The following MS4A18 variants were observed in gnomAD, a reference collection of about 807,000 sequenced individuals.
MS4A18 encodes the protein membrane spanning 4-domains A18, also known as membrane-spanning 4-domains subfamily A member 18.
MS4A18 carries 27 observed loss-of-function variants against 13.1 expected under a neutral mutation model. The ratio of observed to expected loss-of-function variants is 2.06; its 90% CI spans 1.52 to 2.84. The LOEUF is 2.84. MS4A18 is among the 30% of genes most tolerant of loss of function. The pLI, the probability that MS4A18 is intolerant of heterozygous loss-of-function variation, is 0.00. For synonymous variants in MS4A18, 126 were observed against 76.5 expected, an observed-to-expected ratio of 1.65 and a Z score of -3.38; for missense variants, 307 against 196.4, an observed-to-expected ratio of 1.56 and a Z score of -3.37.
upstream of MS4A18, among the ~76,000 whole-genome samples, chr11:60,725,805 G>T (rs1289090503): frequency 6.6e-6 from 1 of 152,166 alleles, no homozygotes; most frequent in Non-Finnish European, 1.5e-5. Context: ...CTGAGCCTCA[G>T]AGAGTTTGCC....
intron 1 of MS4A18, among the ~76,000 whole-genome samples, chr11:60,731,456 T>G (rs1853251245): frequency 6.6e-6 from 1 of 152,204 alleles, no homozygotes; most frequent in Non-Finnish European, 1.5e-5. Context: ...CTCTTAGCCC[T>G]TTTCCCGATT....
chr11:60,735,829 A>G lies in MS4A18; in HGVS notation c.592-1149A>G, dbSNP rs912560304. Among the ~76,000 whole-genome samples, 3 of 149,076 alleles carry G rather than the reference A, an allele frequency of 2.0e-5. No homozygotes were observed. The Admixed American group carries it at 2.0e-4, about 10-fold the overall frequency. On this transcript the variant is annotated intron_variant, in intron 2 of 5. Coordinates refer to ENST00000529108, the Ensembl canonical transcript of MS4A18. ...CAGGCGTGCACCACCACTCCCAGCTAATTTTTGTATTTTCAGTAGAGACAG... is the reference window on the plus strand; with the variant it reads ...CAGGCGTGCACCACCACTCCCAGCTGATTTTTGTATTTTCAGTAGAGACAG...
exon 6 of MS4A18, chr11:60,743,968 C>T (rs1565062883): frequency 1.4e-6 from 1 of 702,800 alleles, no homozygotes; most frequent in East Asian, 2.7e-5. Flanking sequence ...CAGCAATGTA[C>T]CCCCGAACCC....
chr11:60,737,150 T>G (rs1382384386), intron 3 of MS4A18, 116 bp downstream of exon 4: 1 of 668,330 alleles, frequency 1.5e-6, no homozygotes, highest in East Asian at 2.7e-5. Flanking sequence ...CTGGGTACAG[T>G]GCATTTCCAT....
At chr11:60,732,586 C>T (rs1006054116) in intron 1 of MS4A18, among the ~76,000 whole-genome samples, 25 of 151,890 alleles carry the variant, frequency 1.6e-4, no homozygotes, top group Admixed American at 2.0e-4. Flanking sequence ...AAAAAATTAG[C>T]CTGGCTGGGT....
downstream of MS4A18, among the ~76,000 whole-genome samples, chr11:60,744,458 G>C (rs1001442020): frequency 6.6e-6 from 1 of 152,114 alleles, no homozygotes; most frequent in Non-Finnish European, 1.5e-5. Flanking sequence ...TTGTGACCTA[G>C]AGTTAGGTGA....
chr11:60,731,109 A>C (rs1255012456), intron 1 of MS4A18, among the ~76,000 whole-genome samples: 1 of 152,164 alleles, frequency 6.6e-6, no homozygotes, highest in Non-Finnish European at 1.5e-5. Flanking sequence ...AAAAAGAAAA[A>C]AAGAGGGAAA....
intron 5 of MS4A18, among the ~76,000 whole-genome samples, chr11:60,741,393 A>G (rs1277110394): frequency 2.0e-5 from 3 of 152,094 alleles, no homozygotes; most frequent in Non-Finnish European, 4.4e-5. Context: ...TCACCCTTGT[A>G]TCTTAGCTTG....
intron 1 of MS4A18, among the ~76,000 whole-genome samples, chr11:60,731,391 T>A (rs12364592): frequency 6.6e-6 from 1 of 152,342 alleles, no homozygotes; most frequent in Non-Finnish European, 1.5e-5. Context: ...AAGCCAAAAC[T>A]GCAGACTATC....
chr11:60,741,201 A>G, intron 5 of MS4A18, 58 bp downstream of exon 6: 2 of 702,590 alleles, frequency 2.8e-6, no homozygotes, highest in Non-Finnish European at 5.2e-6. Flanking sequence ...GGTGTGGGCT[A>G]TAGCAAGAGG....
chr11:60,726,100 G>GA (rs1231075062), upstream of MS4A18, among the ~76,000 whole-genome samples: 2 of 152,106 alleles, frequency 1.3e-5, no homozygotes, highest in African/African-American at 4.8e-5. Context: ...ATAGCAGTCA[G>GA]AAAAAAATAA....
chr11:60,732,675 G>GCAAGCTCCC (rs1853274070), intron 1 of MS4A18, among the ~76,000 whole-genome samples: 1 of 147,542 alleles, frequency 6.8e-6, no homozygotes, highest in Admixed American at 6.9e-5. Flanking sequence ...AGCTTGCAGT[G>GCAAGCTCCC]AGCCAAGATC....
chr11:60,736,775 T>C (rs1476829422), intron 2 of MS4A18, among the ~76,000 whole-genome samples: 1 of 152,210 alleles, frequency 6.6e-6, no homozygotes, highest in African/African-American at 2.4e-5. Flanking sequence ...CCACAGGAGT[T>C]TGAGTATCAC....
downstream of MS4A18, among the ~76,000 whole-genome samples, chr11:60,744,574 T>C (rs1339383474): frequency 2.6e-5 from 4 of 152,114 alleles, no homozygotes; most frequent in Admixed American, 2.6e-4. Context: ...CTTGCTAAGA[T>C]AAAAAGTCAT....
Position 60,731,391 on chromosome 11 carries a change from T to C in MS4A18, c.477+1599T>C, listed in dbSNP as rs12364592. On this transcript the variant is annotated intron_variant, in intron 1 of 5. Transcript: ENST00000529108. ...AAATGAAAAGCCAAAAAGCCAAAAC[T>C]GCAGACTATCTTTAATCAATTACAA... 5.0e-3 allele frequency among the ~76,000 whole-genome samples: 766 copies of C among 152,342 alleles called. 4 individuals carry two copies. Among genetic ancestry groups the C allele is most frequent in the Non-Finnish European group, 8.3e-3 (566 of 68,026 alleles).
upstream of MS4A18, among the ~76,000 whole-genome samples, chr11:60,727,914 G>T (rs73492910): frequency 6.6e-6 from 1 of 152,046 alleles, no homozygotes; most frequent in African/African-American, 2.4e-5. Flanking sequence ...TCATCAAATC[G>T]GGACAATATC....
rs71043724 is a variant in MS4A18, at chr11:60,735,335, C to CT, written c.592-1627dup. 5.2e-4 allele frequency among the ~76,000 whole-genome samples: 63 copies of CT among 121,630 alleles called. 1 individual carries two copies. The highest frequency in any genetic ancestry group is 9.6e-4 in the East Asian group (4 of 4,160). The allele number at this position is 121,630 out of a possible 152,430, so 79.8% of individuals were successfully genotyped here. A position where few individuals can be genotyped will look rare whatever the true frequency, so the allele number is the denominator to read the frequency against. On this transcript the variant is annotated intron_variant, in intron 2 of 5. Coordinates refer to ENST00000529108, the Ensembl canonical transcript of MS4A18. Reference sequence around the variant, plus strand: ...CCACTATTTTCAATTTAATGTTTTTCTTTTTTTTTTTTTTTTGAGACGGAG... The same window carrying CT: ...CCACTATTTTCAATTTAATGTTTTTCTTTTTTTTTTTTTTTTTGAGACGGAG...
chr11:60,738,422 T>G (rs1853372649), intron 3 of MS4A18, among the ~76,000 whole-genome samples: 1 of 152,232 alleles, frequency 6.6e-6, no homozygotes, highest in African/African-American at 2.4e-5. Flanking sequence ...TCACTTCTTC[T>G]GCAGAGTAGT....
chr11:60,734,668 A>T (rs973772548), intron 2 of MS4A18, among the ~76,000 whole-genome samples: 1 of 152,172 alleles, frequency 6.6e-6, no homozygotes, highest in African/African-American at 2.4e-5. Flanking sequence ...GGGCTGGGGT[A>T]AGAGGGTAAT....
Sources: allele counts gnomAD v4.1 joint callset (sites outside exome capture counted in the v4.1 genomes callset), GRCh38; gene constraint gnomAD v4.1.1; transcripts MANE v1.5; gene names NCBI Gene and HGNC (gene_info 2026-07-23, HGNC 2026-07-21).